The following ABCA3 variants were observed in gnomAD, a reference collection of about 807,000 sequenced individuals.
ABCA3 encodes the protein ATP binding cassette subfamily A member 3.
A neutral mutation model predicts 172.8 loss-of-function variants in ABCA3; 88 were observed. That is an observed-to-expected ratio of 0.51 (90% confidence interval 0.43 to 0.61). The LOEUF (loss-of-function observed/expected upper bound fraction) is 0.61. Among genes scored for constraint, ABCA3 ranks in the 20% least tolerant of loss-of-function variants. The pLI is 0.00. For synonymous variants in ABCA3, 1,066 were observed against 983.8 expected (o/e 1.08, Z -1.56); for missense variants, 2,164 against 2,301.0 (o/e 0.94, Z 1.22).
At chr16:2,290,399 G>C (rs1009481913) in intron 19 of ABCA3, among the ~76,000 whole-genome samples, 38 of 152,142 alleles carry the variant, frequency 2.5e-4, no homozygotes, top group Non-Finnish European at 5.9e-5. Flanking sequence ...TTTCTCTTGA[G>C]ACCAGGAGCT....
intron 1 of ABCA3, among the ~76,000 whole-genome samples, chr16:2,337,809 T>C (rs775014888): frequency 1.3e-5 from 2 of 152,230 alleles, no homozygotes; most frequent in Admixed American, 6.5e-5. Flanking sequence ...TCGCAGGCCC[T>C]GATGGAGCCC....
chr16:2,284,753 GC>G lies in ABCA3; in HGVS notation c.3703+25del. 6.2e-7 allele frequency: 1 copy of G among 1,605,548 alleles called. No individual in the cohort carries two copies. Among genetic ancestry groups the G allele is most frequent in the Middle Eastern group, 1.7e-4 (1 of 6,016 alleles). On this transcript the variant is annotated intron_variant, in intron 24 of 32. Transcript: ENST00000301732. The surrounding 1 kb of genome is among the most constrained non-coding windows in gnomAD (Gnocchi z 5.9). ...AGTGGCTCCGTGGATGGCCATGGGG[GC>G]TGCGGGTGGTCTCCAGGTGCCCACC... is the stretch of plus-strand genomic sequence containing the variant.
In ABCA3 at chr16:2,278,899, A is replaced by T. The variant is rs1262793218; in HGVS notation, c.4547+44T>A. The stretch of plus-strand genomic sequence containing the variant: ...CCAGCTCTATGCTATGGGGACCTTG[A>T]TTCTGACTCCACTCTGGGAAGGGCC... On this transcript the variant is annotated intron_variant, in intron 29 of 32. Coordinates refer to ENST00000301732, the MANE Select transcript of ABCA3 (RefSeq NM_001089.3). The surrounding 1 kb of genome is among the most constrained non-coding windows in gnomAD (Gnocchi z 4.4). 1 of 1,612,400 alleles carries T rather than the reference A, an allele frequency of 6.2e-7. No homozygotes were observed. The highest frequency in any genetic ancestry group is 2.2e-5 in the East Asian group (1 of 44,870).
chr16:2,323,262 C>A, intron 7 of ABCA3: 1 of 555,696 alleles, frequency 1.8e-6, no homozygotes, highest in Non-Finnish European at 3.2e-6. Flanking sequence ...CCTCAGGGAT[C>A]TAGAACTAGA....
chr16:2,311,469 G>A (rs1017019666), intron 10 of ABCA3, among the ~76,000 whole-genome samples: 1 of 152,084 alleles, frequency 6.6e-6, no homozygotes, highest in Non-Finnish European at 1.5e-5. Context: ...AGTAACCAAC[G>A]AACTTTTTGC....
intron 10 of ABCA3, among the ~76,000 whole-genome samples, chr16:2,311,424 A>C (rs2093706544): frequency 6.6e-6 from 1 of 152,212 alleles, no homozygotes; most frequent in African/African-American, 2.4e-5. Flanking sequence ...GCGCCACTGA[A>C]CAAGCAGTAA....
intron 10 of ABCA3, among the ~76,000 whole-genome samples, chr16:2,316,568 C>T (rs376964369): frequency 2.3e-4 from 30 of 128,092 alleles, no homozygotes; most frequent in African/African-American, 8.3e-4. Flanking sequence ...ATCCCAGCTA[C>T]TCAAGAGGCT....
Position 2,308,489 on chromosome 16 carries a change from C to T in ABCA3, c.1246G>A (p.Ala416Thr), listed in dbSNP as rs1339026618. The T allele has an allele frequency of 5.6e-6, 9 of 1,614,228 alleles. No homozygotes were observed. Among genetic ancestry groups the T allele is most frequent in the Admixed American group, 5.0e-5 (3 of 60,016 alleles). ...CSCLLSNVAM[A>T]MGAQLIGKFE... is the part of the protein sequence containing the mutation. ...TTCCCAATGAGCTGGGCTCCCATTGCCATGGCGACATTAGACAGGAGGCAG... is the reference window on the plus strand; with the variant it reads ...TTCCCAATGAGCTGGGCTCCCATTGTCATGGCGACATTAGACAGGAGGCAG... The change falls in exon 11 of 33, where the codon GCA (alanine) becomes ACA (threonine). Residue 416 changes from alanine (A) to threonine (T), a missense_variant. Ala to Thr is a moderately conservative substitution (Grantham distance 58). Around this residue, in one of 3 missense-constraint regions of ABCA3, gnomAD observed 1,343 missense variants for 1,369.6 expected, o/e 0.98. Transcript: ENST00000301732.
chr16:2,327,471 G>T (rs1298873989), intron 3 of ABCA3, among the ~76,000 whole-genome samples: 3 of 152,198 alleles, frequency 2.0e-5, no homozygotes, highest in African/African-American at 2.4e-5. Context: ...ACCCATAAAA[G>T]AAAACTGAAC....
intron 11 of ABCA3, among the ~76,000 whole-genome samples, chr16:2,307,080 C>CCAA (rs983630950): frequency 4.0e-5 from 6 of 150,816 alleles, no homozygotes; most frequent in Non-Finnish European, 8.9e-5. Flanking sequence ...GATGCCATTG[C>CCAA]ACTCCAGGCT....
In ABCA3 at chr16:2,279,497, T is replaced by C. The variant is rs2093651872; in HGVS notation, c.4360-367A>G. On this transcript the variant is annotated intron_variant, in intron 28 of 32. Coordinates refer to ENST00000301732, the MANE Select transcript of ABCA3 (RefSeq NM_001089.3). This position sits in a 1 kb window ranked among gnomAD's most constrained non-coding sequence, Gnocchi z 4.4. ...GGACATCTGATGTGCTAGGACTCTTTCTTCTCCCTCTAAGAAGAAAGATTT... is the reference window on the plus strand; with the variant it reads ...GGACATCTGATGTGCTAGGACTCTTCCTTCTCCCTCTAAGAAGAAAGATTT... 6.6e-6 allele frequency among the ~76,000 whole-genome samples: 1 copy of C among 152,196 alleles called. No homozygotes were observed. The highest frequency in any genetic ancestry group is 1.5e-5 in the Non-Finnish European group (1 of 68,032).
intron 18 of ABCA3, among the ~76,000 whole-genome samples, chr16:2,292,987 C>G (rs903177816): frequency 6.6e-6 from 1 of 152,164 alleles, no homozygotes; most frequent in Non-Finnish European, 1.5e-5. Context: ...TAAAATGAAT[C>G]ACCCCCCTAA....
chr16:2,320,063 T>C (rs1457941280), intron 7 of ABCA3, among the ~76,000 whole-genome samples: 1 of 151,546 alleles, frequency 6.6e-6, no homozygotes, highest in Non-Finnish European at 1.5e-5. Flanking sequence ...TTCCACTTTG[T>C]AACTAACACA....
At chr16:2,304,259 C>A (rs969620627) in intron 11 of ABCA3, 109 bp from the exon 12 acceptor site, 1 of 1,176,358 alleles carries the variant, frequency 8.5e-7, no homozygotes, top group Non-Finnish European at 1.3e-6. Flanking sequence ...ATGGCCACTG[C>A]TTGGTTGGCA....
chr16:2,284,580 T>C lies in ABCA3; in HGVS notation c.3704-143A>G. 2 of 1,371,376 alleles carry C rather than the reference T, an allele frequency of 1.5e-6. No homozygotes were observed. The highest frequency in any genetic ancestry group is 2.0e-6 in the Non-Finnish European group (2 of 976,816). The allele number at this position is 1,371,376 out of a possible 1,614,324, so 85.0% of individuals were successfully genotyped here. ...CTCCCAGGGACGCCCCTGCCGGCTC[T>C]GCACAGGGCAAGGACGCCGCAGACG... On this transcript the variant is annotated intron_variant, in intron 24 of 32. Coordinates refer to ENST00000301732, the MANE Select transcript of ABCA3 (RefSeq NM_001089.3). This position sits in a 1 kb window ranked among gnomAD's most constrained non-coding sequence, Gnocchi z 5.9.
rs1165074719 is a variant in ABCA3 at position 2,283,301 on chromosome 16, A to G, written c.3920T>C (p.Val1307Ala). 7 of 1,613,288 alleles carry G rather than the reference A, an allele frequency of 4.3e-6. No individual in the cohort carries two copies. The highest frequency in any genetic ancestry group is 1.1e-5 in the South Asian group (1 of 91,084). ...GCACCCTGAGGCGGCCATGGAGGCC[A>G]CAAACCGGCCGACCCCCGGGGCGCT... ...AWSAPGVGRF[V>A]ASMAASGCAY... The change falls in exon 26 of 33, where the codon GTG (valine) becomes GCG (alanine). Residue 1307 changes from valine (V) to alanine (A), a missense_variant. Around this residue, in one of 3 missense-constraint regions of ABCA3, gnomAD observed 795 missense variants for 881.9 expected, o/e 0.90. Coordinates refer to ENST00000301732, the MANE Select transcript of ABCA3 (RefSeq NM_001089.3). This position sits in a 1 kb window ranked among gnomAD's most constrained non-coding sequence, Gnocchi z 5.4.
chr16:2,285,606 C>A lies in ABCA3; in HGVS notation c.3319G>T (p.Ala1107Ser). Residue 1107 changes from alanine to serine, a missense_variant, in exon 23 of 33, where the codon GCC becomes TCC. Ala to Ser is a moderately conservative substitution (Grantham distance 99). This residue lies in a region of ABCA3 where 795 missense variants were observed against 881.9 expected (regional missense o/e 0.90). Transcript: ENST00000301732. This position sits in a 1 kb window ranked among gnomAD's most constrained non-coding sequence, Gnocchi z 4.7. The part of the protein sequence containing the change: ...GFDIALNLLF[A>S]MAFLASTFSI... Reference sequence around the variant, plus strand: ...AACGTGCTGGCCAAGAATGCCATGGCGAAGAGCAGGTTGAGGGCAATGTCG... The same window carrying A: ...AACGTGCTGGCCAAGAATGCCATGGAGAAGAGCAGGTTGAGGGCAATGTCG... 1 of 1,557,300 alleles carries A rather than the reference C, an allele frequency of 6.4e-7. No individual in the cohort carries two copies. Among genetic ancestry groups the A allele is most frequent in the Non-Finnish European group, 8.7e-7 (1 of 1,150,068 alleles).
In ABCA3 at chr16:2,298,539, A is replaced by T; in HGVS notation, c.1743T>A (p.Gly581=). ...GKTTTLSMLT[G]LFPPTSGRAY... is the part of the protein sequence containing the mutation. Reference sequence around the variant, plus strand: ...CCCGTCCACTGGTGGGGGGAAAGAGACCTGGGGCCCAGCAGGAGACCCCAC... The same window carrying T: ...CCCGTCCACTGGTGGGGGGAAAGAGTCCTGGGGCCCAGCAGGAGACCCCAC... Residue 581 remains glycine (G), a splice_region_variant and synonymous_variant, in exon 15 of 33, where the codon GGT becomes GGA. Transcript: ENST00000301732. 2 of 1,613,042 alleles carry T rather than the reference A, an allele frequency of 1.2e-6. No individual in the cohort carries two copies. Among genetic ancestry groups the T allele is most frequent in the Non-Finnish European group, 1.7e-6 (2 of 1,179,970 alleles).
rs572259892 is a variant in ABCA3 at position 2,276,482 on chromosome 16, C to T, written c.*192G>A. ...TCCAGAGTATGCAGACATGGAGATG[C>T]GCATGCTGATCCTGGGCATGAGGGC... On this transcript the variant is annotated 3_prime_UTR_variant, in exon 33 of 33. Transcript: ENST00000301732. 4.2e-5 allele frequency: 40 copies of T among 953,830 alleles called. No homozygotes were observed. The highest frequency in any genetic ancestry group is 8.7e-5 in the Admixed American group (4 of 46,208). The allele number at this position is 953,830 out of a possible 1,614,324, so 59.1% of individuals were successfully genotyped here.
Sources: gnomAD v4.1 joint callset for allele counts (sites outside exome capture counted in the v4.1 genomes callset) on GRCh38, gnomAD v4.1.1 for gene constraint, gnomAD v4.1.1 regional missense constraint, Gnocchi (gnomAD v3.1) non-coding constraint, MANE v1.5 for transcripts, NCBI Gene and HGNC (gene_info 2026-07-23, HGNC 2026-07-21) for gene names.